Variants in STK33 observed in about 807,000 individuals in gnomAD.
The protein encoded by STK33 is serine/threonine-protein kinase 33.
Under a neutral mutation model 58.0 loss-of-function variants are expected in STK33, and 52 were observed. The ratio of observed to expected loss-of-function variants is 0.90; its 90% CI spans 0.72 to 1.13. The LOEUF (loss-of-function observed/expected upper bound fraction) is 1.13, where lower values mean the gene tolerates loss of function less well. Among genes scored for constraint, STK33 ranks in the 50% most tolerant of loss-of-function variants. STK33 has a pLI of 0.00. For missense variants in STK33, 630 were observed against 604.2 expected (o/e 1.04, Z -0.45); for synonymous variants, 215 against 200.1 (o/e 1.07, Z -0.63).
At chr11:8,577,651 T>G (rs1219963410) in intron 1 of STK33, among the ~76,000 whole-genome samples, 1 of 152,096 alleles carries the variant, frequency 6.6e-6, no homozygotes, top group Non-Finnish European at 1.5e-5. Context: ...CAAAGTACTG[T>G]GTAATATTAA....
intron 15 of STK33, among the ~76,000 whole-genome samples, chr11:8,405,886 T>C (rs113815608): frequency 0.024 from 3,579 of 152,280 alleles, 80 homozygotes; most frequent in Admixed American, 0.046. Flanking sequence ...CTCACGCCTG[T>C]AATCCCAGCA....
chr11:8,493,977 C>T (rs952435509), intron 1 of STK33, among the ~76,000 whole-genome samples: 1 of 152,084 alleles, frequency 6.6e-6, no homozygotes, highest in African/African-American at 2.4e-5. Context: ...TATGACAAAC[C>T]CACAGCCACT....
intron 9 of STK33, among the ~76,000 whole-genome samples, 175 bp downstream of exon 9, chr11:8,457,166 C>A (rs2137104676): frequency 6.6e-6 from 1 of 151,674 alleles, no homozygotes; most frequent in African/African-American, 2.4e-5. Context: ...GTTCATATTT[C>A]TAATTAAAAC....
At chr11:8,516,704 G>C (rs905530748) in intron 1 of STK33, among the ~76,000 whole-genome samples, 3 of 152,208 alleles carry the variant, frequency 2.0e-5, no homozygotes, top group Non-Finnish European at 4.4e-5. Context: ...CTGGCTTGGC[G>C]GGTCTCACAC....
chr11:8,453,498 T>A (rs1422981163), intron 10 of STK33, among the ~76,000 whole-genome samples: 2 of 152,174 alleles, frequency 1.3e-5, no homozygotes, highest in Non-Finnish European at 2.9e-5. Flanking sequence ...ACAACAAGCA[T>A]ATTAACAGGA....
chr11:8,462,003 CT>C, intron 7 of STK33, 94 bp from the exon 8 acceptor site: 1 of 891,114 alleles, frequency 1.1e-6, no homozygotes. Flanking sequence ...ACTTTTTTTC[CT>C]GTAACTTCAT....
At chr11:8,593,376 G>T (rs187328314) in intron 1 of STK33, among the ~76,000 whole-genome samples, 137 of 152,242 alleles carry the variant, frequency 9.0e-4, no homozygotes, top group African/African-American at 3.3e-3. Flanking sequence ...TGGTGATATG[G>T]GACGGGGAGC....
At chr11:8,538,135 C>T (rs772500633) in intron 1 of STK33, among the ~76,000 whole-genome samples, 10 of 151,764 alleles carry the variant, frequency 6.6e-5, no homozygotes, top group Admixed American at 2.0e-4. Flanking sequence ...TTGCAGTGAG[C>T]CAAGAATGCG....
At chr11:8,574,109 T>G (rs1477209563) in intron 1 of STK33, among the ~76,000 whole-genome samples, 1 of 152,070 alleles carries the variant, frequency 6.6e-6, no homozygotes, top group Non-Finnish European at 1.5e-5. Context: ...TCCCTCCCTA[T>G]CCCCACTCAC....
intron 14 of STK33, among the ~76,000 whole-genome samples, chr11:8,431,571 A>G (rs978353753): frequency 9.2e-5 from 14 of 152,196 alleles, no homozygotes; most frequent in Non-Finnish European, 2.9e-5. Context: ...CAAGGAGAGG[A>G]ACCGTTTTAT....
At chr11:8,474,005 T>A (rs1949028440) in intron 5 of STK33, among the ~76,000 whole-genome samples, 1 of 152,086 alleles carries the variant, frequency 6.6e-6, no homozygotes, top group African/African-American at 2.4e-5. Flanking sequence ...AAACCCCCTC[T>A]CTACTAAAAA....
intron 1 of STK33, among the ~76,000 whole-genome samples, chr11:8,481,037 G>A (rs922727216): frequency 2.0e-5 from 3 of 152,070 alleles, no homozygotes; most frequent in East Asian, 1.9e-4. Context: ...CAAGAGTACC[G>A]AGAGAGAGGA....
chr11:8,393,700 T>G (rs1590685210), intron 15 of STK33, among the ~76,000 whole-genome samples: 1 of 152,348 alleles, frequency 6.6e-6, no homozygotes, highest in East Asian at 1.9e-4. Context: ...TTAACAATTT[T>G]CAAAGAGTGT....
chr11:8,533,186 T>C (rs1043447621), intron 1 of STK33, among the ~76,000 whole-genome samples: 1 of 152,244 alleles, frequency 6.6e-6, no homozygotes, highest in South Asian at 2.1e-4. Flanking sequence ...TTAACACCCT[T>C]TTCCCATGAT....
chr11:8,335,781 TA>T, the STK33 span, among the ~76,000 whole-genome samples: 1 of 152,218 alleles, frequency 6.6e-6, no homozygotes, highest in Non-Finnish European at 1.5e-5. Context: ...GTAATCAACA[TA>T]AACATTATGA....
At chr11:8,455,809 T>TC (rs1363581894) in intron 9 of STK33, among the ~76,000 whole-genome samples, 5 of 28,194 alleles carry the variant, frequency 1.8e-4, no homozygotes, top group Admixed American at 1.1e-3. Flanking sequence ...AGACTCTGTC[T>TC]CAAAAAAAAA....
chr11:8,381,810 C>T, the STK33 span, among the ~76,000 whole-genome samples: 1 of 152,174 alleles, frequency 6.6e-6, no homozygotes, highest in Non-Finnish European at 1.5e-5. Context: ...TGAGCCATTT[C>T]ACTATAGGCA....
At chr11:8,540,968 C>CACTA (rs2140330851) in intron 1 of STK33, among the ~76,000 whole-genome samples, 1 of 88,204 alleles carries the variant, frequency 1.1e-5, no homozygotes, top group South Asian at 5.4e-4. Context: ...ATCTTACTAT[C>CACTA]TCTCTCTCTC....
chr11:8,349,706 G>A, the STK33 span, among the ~76,000 whole-genome samples: 2 of 152,198 alleles, frequency 1.3e-5, no homozygotes, highest in Non-Finnish European at 2.9e-5. Context: ...CCCCAGTCGG[G>A]ACAATTAGGA....
Sources: allele counts gnomAD v4.1 joint callset (sites outside exome capture counted in the v4.1 genomes callset), GRCh38; gene constraint gnomAD v4.1.1; transcripts MANE v1.5; gene names NCBI Gene and HGNC (gene_info 2026-07-23, HGNC 2026-07-21).